SDC2: variants seen among roughly 807,000 people sequenced by gnomAD.
SDC2 encodes the protein syndecan-2.
Under a neutral mutation model 22.2 loss-of-function variants are expected in SDC2, and 13 were observed. That is an observed-to-expected ratio of 0.59 (90% confidence interval 0.38 to 0.93). The LOEUF (loss-of-function observed/expected upper bound fraction) is 0.93, where lower values mean the gene tolerates loss of function less well. Among genes scored for constraint, SDC2 ranks in the 40% least tolerant of loss-of-function variants. The pLI, the probability that SDC2 is intolerant of heterozygous loss-of-function variation, is 0.00. For missense variants in SDC2, 235 were observed against 246.8 expected, an observed-to-expected ratio of 0.95 and a Z score of 0.32; for synonymous variants, 94 against 92.8, an observed-to-expected ratio of 1.01 and a Z score of -0.07.
chr8:96,578,686 C>T (rs1212227691), intron 1 of SDC2, among the ~76,000 whole-genome samples: 2 of 152,200 alleles, frequency 1.3e-5, no homozygotes, highest in African/African-American at 4.8e-5. Context: ...GAAATGCCCC[C>T]TGTGTGACAG....
At chr8:96,527,398 C>T (rs886165839) in intron 1 of SDC2, among the ~76,000 whole-genome samples, 1 of 152,188 alleles carries the variant, frequency 6.6e-6, no homozygotes, top group African/African-American at 2.4e-5. Context: ...CTGGTGGGTG[C>T]ATGACACTGA....
chr8:96,562,006 A>G (rs1814217623), intron 1 of SDC2, among the ~76,000 whole-genome samples: 1 of 152,154 alleles, frequency 6.6e-6, no homozygotes, highest in African/African-American at 2.4e-5. Flanking sequence ...AATGCAGTCT[A>G]GCTTATCAAT....
chr8:96,548,907 C>T (rs1487536707), intron 1 of SDC2, among the ~76,000 whole-genome samples: 2 of 152,172 alleles, frequency 1.3e-5, no homozygotes, highest in Non-Finnish European at 2.9e-5. Flanking sequence ...ACCCCAATTC[C>T]GTGGGGGACA....
At chr8:96,590,813 C>T (rs1046900117) in intron 1 of SDC2, among the ~76,000 whole-genome samples, 1 of 152,092 alleles carries the variant, frequency 6.6e-6, no homozygotes, top group Non-Finnish European at 1.5e-5. Flanking sequence ...ATTATTTTCA[C>T]CACCCTGGAT....
chr8:96,514,770 G>A (rs1364207133), intron 1 of SDC2, among the ~76,000 whole-genome samples: 1 of 152,120 alleles, frequency 6.6e-6, no homozygotes, highest in Non-Finnish European at 1.5e-5. Context: ...ATTCACAGGG[G>A]TTTGCATTCC....
chr8:96,555,138 A>G (rs2130547311), intron 1 of SDC2, among the ~76,000 whole-genome samples: 1 of 152,136 alleles, frequency 6.6e-6, no homozygotes, highest in South Asian at 2.1e-4. Flanking sequence ...TCCTTAGACT[A>G]AGTTCTGGGA....
In SDC2 at chr8:96,609,594, A is replaced by G; in HGVS notation, c.*46A>G. On this transcript the variant is annotated 3_prime_UTR_variant, in exon 5 of 5. Transcript: ENST00000302190. ...ATTTATGAGATCACTGAACTTTTCA[A>G]AATAAAGCTTTTGCATAGAATAATG... 7.4e-7 allele frequency: 1 copy of G among 1,358,592 alleles called. No homozygotes were observed. The highest frequency in any genetic ancestry group is 9.8e-7 in the Non-Finnish European group (1 of 1,015,298). 84.2% of individuals were successfully genotyped at this position (1,358,592 alleles called of 1,614,324 possible). A position where few individuals can be genotyped will look rare whatever the true frequency, so the allele number is the denominator to read the frequency against.
At chr8:96,561,117 T>A (rs139896575) in intron 1 of SDC2, among the ~76,000 whole-genome samples, 1 of 152,052 alleles carries the variant, frequency 6.6e-6, no homozygotes, top group African/African-American at 2.4e-5. Flanking sequence ...ATAATAATAA[T>A]AATCATAATA....
At chr8:96,520,071 C>T (rs954702859) in intron 1 of SDC2, among the ~76,000 whole-genome samples, 1 of 152,224 alleles carries the variant, frequency 6.6e-6, no homozygotes, top group Non-Finnish European at 1.5e-5. Context: ...TGGCCTTTCT[C>T]ACGGGACTTC....
chr8:96,611,521 AT>A lies in SDC2; in HGVS notation c.*1975del, dbSNP rs1815175122. 1 of 152,592 alleles carries A rather than the reference AT, an allele frequency of 6.6e-6. No individual in the cohort carries two copies. Among genetic ancestry groups the A allele is most frequent in the African/African-American group, 2.4e-5 (1 of 41,432 alleles). The allele number at this position is 152,592 out of a possible 1,614,324, so 9.5% of individuals were successfully genotyped here. On this transcript the variant is annotated 3_prime_UTR_variant, in exon 5 of 5. Coordinates refer to ENST00000302190, the MANE Select transcript of SDC2 (RefSeq NM_002998.4). ...TCCTGCCCCATCACTTACAGAACCAATTCACTTTAGAGTGACTAAAAGGAAA... is the reference window on the plus strand; with the variant it reads ...TCCTGCCCCATCACTTACAGAACCAATCACTTTAGAGTGACTAAAAGGAAA...
At chr8:96,495,265 G>C (rs1035670116) in intron 1 of SDC2, among the ~76,000 whole-genome samples, 3 of 152,354 alleles carry the variant, frequency 2.0e-5, no homozygotes, top group African/African-American at 4.8e-5. Flanking sequence ...CGTCTCCGGC[G>C]GAGCGCCTGC....
At position 96,524,681 on chromosome 8, in the gene SDC2, C is replaced by T. The variant is rs528934397; in HGVS notation, c.60+30350C>T. Among the ~76,000 whole-genome samples, 137 of 152,220 alleles carry T rather than the reference C, an allele frequency of 9.0e-4. 2 individuals are homozygous for T. The South Asian group carries it at 0.027, about 30-fold the overall frequency. On this transcript the variant is annotated intron_variant, in intron 1 of 4. Transcript: ENST00000302190. ...GGTGGCTGGCGTAATGAACCAGTGC[C>T]GGAAAGCTTATTATCAACATGCTGA...
chr8:96,604,855 C>CAA, intron 3 of SDC2, among the ~76,000 whole-genome samples: 1 of 152,324 alleles, frequency 6.6e-6, no homozygotes, highest in Non-Finnish European at 1.5e-5. Context: ...TACATTCATA[C>CAA]AAGAGTGAAG....
intron 1 of SDC2, among the ~76,000 whole-genome samples, chr8:96,547,432 C>T (rs571409124): frequency 1.4e-3 from 214 of 152,292 alleles, no homozygotes; most frequent in Non-Finnish European, 2.6e-3. Context: ...CACCTTCGCA[C>T]CAACGCTGTC....
chr8:96,505,621 C>T (rs1272413093), intron 1 of SDC2, among the ~76,000 whole-genome samples: 1 of 152,134 alleles, frequency 6.6e-6, no homozygotes, highest in Non-Finnish European at 1.5e-5. Flanking sequence ...ATTTTAAACA[C>T]TGTTTTATAT....
chr8:96,583,084 T>C (rs1374998936), intron 1 of SDC2, among the ~76,000 whole-genome samples: 4 of 131,156 alleles, frequency 3.0e-5, no homozygotes, highest in Admixed American at 8.0e-5. Context: ...TTTTTTTTAG[T>C]ACTTACATAC....
chr8:96,557,411 G>T (rs1191547855), intron 1 of SDC2, among the ~76,000 whole-genome samples: 1 of 144,850 alleles, frequency 6.9e-6, no homozygotes, highest in Non-Finnish European at 1.5e-5. Context: ...TTAAGAAAAT[G>T]TGGCACATAT....
intron 1 of SDC2, among the ~76,000 whole-genome samples, chr8:96,528,552 GTTT>G (rs750503699): frequency 1.3e-5 from 2 of 152,118 alleles, no homozygotes; most frequent in Non-Finnish European, 2.9e-5. Context: ...AAATGGTTTG[GTTT>G]TTACATATAC....
chr8:96,509,966 G>T (rs563883870), intron 1 of SDC2, among the ~76,000 whole-genome samples: 1 of 152,202 alleles, frequency 6.6e-6, no homozygotes, highest in African/African-American at 2.4e-5. Context: ...GGAAACATTC[G>T]AGAGGTCTTT....
Sources: gnomAD v4.1 joint callset for allele counts (sites outside exome capture counted in the v4.1 genomes callset) on GRCh38, gnomAD v4.1.1 for gene constraint, MANE v1.5 for transcripts, NCBI Gene and HGNC (gene_info 2026-07-23, HGNC 2026-07-21) for gene names.